ZNF385D: variants seen among roughly 807,000 people sequenced by gnomAD.
ZNF385D encodes zinc finger protein 659.
A neutral mutation model predicts 35.8 loss-of-function variants in ZNF385D; 15 were observed. That is an observed-to-expected ratio of 0.42 (90% CI 0.28 to 0.64). The LOEUF (loss-of-function observed/expected upper bound fraction) is 0.64, where lower values mean the gene tolerates loss of function less well. Among genes scored for constraint, ZNF385D ranks in the 30% least tolerant of loss-of-function variants. ZNF385D has a pLI of 0.23. For synonymous variants in ZNF385D, 212 were observed against 186.8 expected (o/e 1.13, Z -1.10); for missense variants, 474 against 494.6 (o/e 0.96, Z 0.39).
In ZNF385D at chr3:21,514,605, G is replaced by T. The variant is rs545530725; in HGVS notation, c.277-3582C>A. Among the ~76,000 whole-genome samples the T allele has an allele frequency of 5.5e-4, 83 of 152,020 alleles. No individual in the cohort carries two copies. The South Asian group carries it at 0.017, about 32-fold the overall frequency. ...TTAAGTCAACCACAGGCAGCCAACG[G>T]TTCAAACCAAATTCAAATAGGACAA... On this transcript the variant is annotated intron_variant, in intron 3 of 7. Coordinates refer to ENST00000281523, the MANE Select transcript of ZNF385D (RefSeq NM_024697.3).
At chr3:22,114,666 C>T (rs571382996) in intron 3 of ZNF385D, among the ~76,000 whole-genome samples, 3 of 152,076 alleles carry the variant, frequency 2.0e-5, no homozygotes, top group South Asian at 2.1e-4. Context: ...TCAGAGTTCT[C>T]CCAGGTCAGG....
chr3:22,238,191 T>C (rs1452745420), intron 2 of ZNF385D, among the ~76,000 whole-genome samples: 1 of 151,134 alleles, frequency 6.6e-6, no homozygotes, highest in Admixed American at 6.6e-5. Flanking sequence ...TGTACCACAT[T>C]CCATTGATTT....
At chr3:22,359,271 T>C (rs1696304018) in intron 2 of ZNF385D, among the ~76,000 whole-genome samples, 1 of 151,768 alleles carries the variant, frequency 6.6e-6, no homozygotes, top group South Asian at 2.1e-4. Context: ...CACAGAAGTA[T>C]TATTATGCTA....
chr3:21,996,346 G>C (rs1576113780), intron 3 of ZNF385D, among the ~76,000 whole-genome samples: 1 of 152,154 alleles, frequency 6.6e-6, no homozygotes, highest in Non-Finnish European at 1.5e-5. Flanking sequence ...CTGGCTCCAA[G>C]TGACCGTGAC....
At chr3:21,598,699 G>T (rs2064194965) in intron 2 of ZNF385D, among the ~76,000 whole-genome samples, 2 of 152,110 alleles carry the variant, frequency 1.3e-5, no homozygotes, top group South Asian at 2.1e-4. Context: ...CACAAATTAG[G>T]TACTGTGACT....
At chr3:21,424,649 T>C (rs1323516713) in intron 6 of ZNF385D, among the ~76,000 whole-genome samples, 1 of 150,984 alleles carries the variant, frequency 6.6e-6, no homozygotes, top group Non-Finnish European at 1.5e-5. Flanking sequence ...GTAGCGTCTT[T>C]TTTTTTTCCG....
At chr3:22,124,808 G>A in intron 3 of ZNF385D, among the ~76,000 whole-genome samples, 1 of 151,930 alleles carries the variant, frequency 6.6e-6, no homozygotes. Flanking sequence ...TTATATATCT[G>A]GTTATTAGTT....
chr3:21,602,612 A>G (rs1048725457), intron 2 of ZNF385D, among the ~76,000 whole-genome samples: 1 of 139,824 alleles, frequency 7.2e-6, no homozygotes, highest in Non-Finnish European at 1.5e-5. Flanking sequence ...GGCTCACTGC[A>G]AGCTCCGCTT....
chr3:22,290,238 G>A (rs1052794310), intron 2 of ZNF385D, among the ~76,000 whole-genome samples: 1 of 152,082 alleles, frequency 6.6e-6, no homozygotes, highest in Non-Finnish European at 1.5e-5. Flanking sequence ...TACTGGAATG[G>A]TGCTAAGATT....
At chr3:21,608,771 G>C (rs2064574821) in intron 2 of ZNF385D, among the ~76,000 whole-genome samples, 1 of 152,134 alleles carries the variant, frequency 6.6e-6, no homozygotes, top group African/African-American at 2.4e-5. Flanking sequence ...GTCTACAAAT[G>C]AAAGTAGTTC....
intron 3 of ZNF385D, among the ~76,000 whole-genome samples, chr3:21,853,149 T>TA (rs35928196): frequency 6.6e-6 from 1 of 151,734 alleles, no homozygotes; most frequent in African/African-American, 2.4e-5. Context: ...GAGTAGGGTT[T>TA]AAAAAAACAG....
intron 4 of ZNF385D, among the ~76,000 whole-genome samples, chr3:21,489,143 AAC>A (rs1405322853): frequency 2.0e-5 from 3 of 152,060 alleles, no homozygotes; most frequent in Non-Finnish European, 4.4e-5. Flanking sequence ...GACTAACAGA[AAC>A]ACACACACAC....
chr3:22,069,454 G>T (rs902202687), intron 3 of ZNF385D, among the ~76,000 whole-genome samples: 3 of 152,316 alleles, frequency 2.0e-5, no homozygotes, highest in Non-Finnish European at 4.4e-5. Flanking sequence ...ACCCCGAGGG[G>T]TGTGAATGTA....
At chr3:22,088,193 G>C (rs1376338428) in intron 3 of ZNF385D, among the ~76,000 whole-genome samples, 1 of 152,170 alleles carries the variant, frequency 6.6e-6, no homozygotes, top group Non-Finnish European at 1.5e-5. Context: ...ATGATATTAG[G>C]CTGCAAGGCA....
intron 3 of ZNF385D, among the ~76,000 whole-genome samples, chr3:22,132,971 C>T (rs1205878263): frequency 6.6e-6 from 1 of 152,054 alleles, no homozygotes; most frequent in Admixed American, 6.6e-5. Flanking sequence ...TATAAAGTTA[C>T]TGTAAATTGT....
intron 3 of ZNF385D, among the ~76,000 whole-genome samples, chr3:21,763,235 T>G (rs1281754641): frequency 6.6e-6 from 1 of 152,174 alleles, no homozygotes; most frequent in Non-Finnish European, 1.5e-5. Flanking sequence ...CCCTGGTCTG[T>G]GTACTCTGTC....
intron 3 of ZNF385D, among the ~76,000 whole-genome samples, chr3:21,832,795 T>C (rs912873883): frequency 2.6e-5 from 4 of 152,160 alleles, no homozygotes; most frequent in Non-Finnish European, 4.4e-5. Flanking sequence ...CCTTCCAGAT[T>C]TGAAGTTTAC....
chr3:21,910,456 T>G (rs949086146), intron 3 of ZNF385D, among the ~76,000 whole-genome samples: 4 of 151,980 alleles, frequency 2.6e-5, no homozygotes, highest in Non-Finnish European at 4.4e-5. Context: ...ATATTAAGTC[T>G]TGTTTGCTTT....
intron 3 of ZNF385D, among the ~76,000 whole-genome samples, chr3:21,518,833 A>G (rs964432702): frequency 1.3e-5 from 2 of 152,196 alleles, no homozygotes; most frequent in Admixed American, 6.5e-5. Flanking sequence ...AAGACAAATT[A>G]TGCAATGCAA....
Sources: allele counts gnomAD v4.1 joint callset (sites outside exome capture counted in the v4.1 genomes callset), GRCh38; gene constraint gnomAD v4.1.1; transcripts MANE v1.5; gene names NCBI Gene and HGNC (gene_info 2026-07-23, HGNC 2026-07-21).